Variants in PSMC6 observed in about 807,000 individuals in gnomAD.
The protein encoded by PSMC6 is proteasome 26S subunit, ATPase 6.
In PSMC6, 3 loss-of-function variants were observed where a neutral mutation model predicts 55.9. That is an observed-to-expected ratio of 0.05 (90% CI 0.02 to 0.14). The LOEUF is 0.14. Among genes scored for constraint, PSMC6 ranks in the 10% least tolerant of loss-of-function variants. The probability of loss-of-function intolerance (pLI) is 1.00; values close to 1 mark genes in which losing one functional copy is unlikely to be tolerated. For synonymous variants in PSMC6, 137 were observed against 155.9 expected (o/e 0.88, Z 0.90); for missense variants, 210 against 478.7 (o/e 0.44, Z 5.24).
At chr14:52,708,904 G>A (rs1284926051) in intron 4 of PSMC6, 88 bp downstream of exon 4, 41 of 1,561,586 alleles carry the variant, frequency 2.6e-5, no homozygotes, top group South Asian at 1.2e-4. Context: ...CAAGCAGGTG[G>A]AGCATTTATG....
chr14:52,727,212 G>A (rs1366708414), intron 13 of PSMC6, among the ~76,000 whole-genome samples: 1 of 148,402 alleles, frequency 6.7e-6, no homozygotes, highest in African/African-American at 2.5e-5. Flanking sequence ...TGTATTTTTA[G>A]TAGAGATGGG....
At chr14:52,727,430 T>G in intron 13 of PSMC6, 69 bp from the exon 14 acceptor site, 1 of 1,010,348 alleles carries the variant, frequency 9.9e-7, no homozygotes, top group Non-Finnish European at 1.5e-6. Flanking sequence ...AGAATTATAT[T>G]GTTTTTCTTA....
In PSMC6 at chr14:52,718,075, T is replaced by C; in HGVS notation, c.530-6T>C. On this transcript the variant is annotated splice_region_variant and splice_polypyrimidine_tract_variant and intron_variant, in intron 7 of 13. Transcript: ENST00000445930. ...ATCTAATTAAGACTTCTTTTGTCATTCTTAGGTACGGGAAAAACACTCTTG... is the reference window on the plus strand; with the variant it reads ...ATCTAATTAAGACTTCTTTTGTCATCCTTAGGTACGGGAAAAACACTCTTG... The C allele has an allele frequency of 6.2e-7, 1 of 1,612,376 alleles. No individual in the cohort carries two copies. The highest frequency in any genetic ancestry group is 1.1e-5 in the South Asian group (1 of 90,954).
intron 6 of PSMC6, among the ~76,000 whole-genome samples, chr14:52,713,113 C>T (rs2041792701): frequency 6.6e-6 from 1 of 151,998 alleles, no homozygotes; most frequent in African/African-American, 2.4e-5. Flanking sequence ...GCCTGTAGTC[C>T]CAGCTACTCA....
intron 5 of PSMC6, 80 bp downstream of exon 5, chr14:52,711,248 C>T: frequency 1.4e-6 from 2 of 1,401,272 alleles, no homozygotes; most frequent in Non-Finnish European, 2.0e-6. Context: ...TTCTTGAGAT[C>T]ACTGAATATT....
chr14:52,708,614 G>A, intron 3 of PSMC6, 92 bp downstream of exon 3: 1 of 1,438,354 alleles, frequency 7.0e-7, no homozygotes, highest in Non-Finnish European at 9.5e-7. Flanking sequence ...CAATAATGCA[G>A]AGAGAGAGAG....
At chr14:52,724,999 T>C (rs1411837523) in intron 13 of PSMC6, among the ~76,000 whole-genome samples, 1 of 152,222 alleles carries the variant, frequency 6.6e-6, no homozygotes, top group Non-Finnish European at 1.5e-5. Context: ...AGTCAGTATC[T>C]GCATCAGATA....
intron 13 of PSMC6, 79 bp downstream of exon 13, chr14:52,724,115 C>T (rs544948749): frequency 3.8e-4 from 508 of 1,333,806 alleles, no homozygotes; most frequent in Admixed American, 3.1e-4. Flanking sequence ...TATCTGAAAG[C>T]GGAGCATAGA....
At chr14:52,714,033 G>C in intron 7 of PSMC6, 65 bp downstream of exon 7, 1 of 1,049,000 alleles carries the variant, frequency 9.5e-7, no homozygotes, top group South Asian at 1.5e-5. Flanking sequence ...AAAAAAAAAA[G>C]ACAATTTTTT....
rs557168132 is a variant in PSMC6 at position 52,716,902 on chromosome 14, C to A, written c.530-1179C>A. Among the ~76,000 whole-genome samples the A allele has an allele frequency of 1.1e-4, 17 of 152,200 alleles. 1 individual carries two copies. The South Asian group carries it at 3.5e-3, about 32-fold the overall frequency. On this transcript the variant is annotated intron_variant, in intron 7 of 13. Coordinates refer to ENST00000445930, the MANE Select transcript of PSMC6 (RefSeq NM_002806.5). Reference sequence around the variant, plus strand: ...AAGCCAGACACAGAAAGACAGTTACCACATAATCTCATTTTCATGTGGAAT... The same window carrying A: ...AAGCCAGACACAGAAAGACAGTTACAACATAATCTCATTTTCATGTGGAAT...
intron 12 of PSMC6, 59 bp downstream of exon 12, chr14:52,721,249 T>C (rs2041887499): frequency 7.5e-7 from 1 of 1,334,664 alleles, no homozygotes; most frequent in Non-Finnish European, 1.0e-6. Context: ...AAAATACTTT[T>C]AGAAATTACT....
intron 7 of PSMC6, among the ~76,000 whole-genome samples, chr14:52,717,035 T>G (rs138528724): frequency 6.6e-6 from 1 of 152,316 alleles, no homozygotes; most frequent in African/African-American, 2.4e-5. Flanking sequence ...AAAGTTCACT[T>G]AGACAGGAGG....
At position 52,708,395 on chromosome 14, in the gene PSMC6, G is replaced by T. The variant is rs1402195672; in HGVS notation, c.165+7G>T. 6.2e-7 allele frequency: 1 copy of T among 1,613,218 alleles called. No individual in the cohort carries two copies. The highest frequency in any genetic ancestry group is 1.3e-5 in the African/African-American group (1 of 74,926). On this transcript the variant is annotated splice_region_variant and intron_variant, in intron 2 of 13. Coordinates refer to ENST00000445930, the MANE Select transcript of PSMC6 (RefSeq NM_002806.5). The stretch of plus-strand genomic sequence containing the variant: ...CCTACAGAGTGTTGGGCAGGTAGGT[G>T]ATGGAGTTTGGGGAATAGGGGGTGA...
chr14:52,724,256 AG>A (rs1320478814), intron 13 of PSMC6, among the ~76,000 whole-genome samples: 1 of 152,178 alleles, frequency 6.6e-6, no homozygotes, highest in African/African-American at 2.4e-5. Context: ...GCTGTAGGAA[AG>A]GGAGGTTAGA....
chr14:52,708,725 T>C (rs779972766), intron 3 of PSMC6, 39 bp from the exon 4 acceptor site: 10 of 1,610,158 alleles, frequency 6.2e-6, no homozygotes, highest in Non-Finnish European at 8.5e-6. Flanking sequence ...TTTTTTACTT[T>C]CTATTTTTCA....
At chr14:52,727,032 T>TC (rs1384321096) in intron 13 of PSMC6, among the ~76,000 whole-genome samples, 1 of 147,628 alleles carries the variant, frequency 6.8e-6, no homozygotes, top group East Asian at 2.0e-4. Flanking sequence ...TTTTTTTTTT[T>TC]TTTTTTTGAG....
At position 52,718,412 on chromosome 14, in the gene PSMC6, T is replaced by C. The variant is rs139966874; in HGVS notation, c.715+60T>C. On this transcript the variant is annotated intron_variant, in intron 9 of 13. Transcript: ENST00000445930. ...TTTTTTTTAAATGTAAAAGAACCTT[T>C]TTCCCTCTCTTAATCTGTAATTGTG... 219 of 1,511,360 alleles carry C rather than the reference T, an allele frequency of 1.4e-4. 1 individual carries two copies. The African/African-American group carries it at 2.7e-3, about 19-fold the overall frequency. The allele number at this position is 1,511,360 out of a possible 1,614,324, so 93.6% of individuals were successfully genotyped here.
chr14:52,721,968 AG>A (rs1485424161), intron 12 of PSMC6: 4 of 152,456 alleles, frequency 2.6e-5, no homozygotes, highest in African/African-American at 9.6e-5. Flanking sequence ...CATGTTGCCC[AG>A]GCTGATCTTG....
Position 52,716,544 on chromosome 14 carries a change from G to A in PSMC6, c.530-1537G>A, listed in dbSNP as rs192575825. On this transcript the variant is annotated intron_variant, in intron 7 of 13. Coordinates refer to ENST00000445930, the MANE Select transcript of PSMC6 (RefSeq NM_002806.5). ...CGAGGCGGGCGGATCACCTGAGGTCGGGAGTTCGAGACCAGCCTGACCAAC... is the reference window on the plus strand; with the variant it reads ...CGAGGCGGGCGGATCACCTGAGGTCAGGAGTTCGAGACCAGCCTGACCAAC... Among the ~76,000 whole-genome samples the A allele has an allele frequency of 2.6e-3, 391 of 152,148 alleles. 4 individuals carry two copies. The highest frequency in any genetic ancestry group is 3.7e-3 in the Non-Finnish European group (250 of 67,988).
Sources: gnomAD v4.1 joint callset for allele counts (sites outside exome capture counted in the v4.1 genomes callset) on GRCh38, gnomAD v4.1.1 for gene constraint, MANE v1.5 for transcripts, NCBI Gene and HGNC (gene_info 2026-07-23, HGNC 2026-07-21) for gene names.